The following MAGI2 variants were observed in gnomAD, a reference collection of about 807,000 sequenced individuals.
The protein encoded by MAGI2 is membrane associated guanylate kinase, WW and PDZ domain containing 2.
MAGI2 carries 35 observed loss-of-function variants against 133.3 expected under a neutral mutation model. That is an observed-to-expected ratio of 0.26 (90% CI 0.20 to 0.35). MAGI2 has a LOEUF of 0.35. Among genes scored for constraint, MAGI2 ranks in the 10% least tolerant of loss-of-function variants. The pLI, the probability that MAGI2 is intolerant of heterozygous loss-of-function variation, is 1.00. For missense variants in MAGI2, 1,636 were observed against 1,863.4 expected (o/e 0.88, Z 2.25); for synonymous variants, 729 against 710.6 (o/e 1.03, Z -0.41).
At chr7:79,414,845 C>T (rs1846391433) in intron 1 of MAGI2, 1 of 152,046 alleles carries the variant, frequency 6.6e-6, no homozygotes, top group Admixed American at 6.6e-5. Flanking sequence ...ATAGCCCATC[C>T]TGCTTACTTC....
At chr7:79,177,976 G>A (rs560521470) in intron 1 of MAGI2, among the ~76,000 whole-genome samples, 2 of 152,098 alleles carry the variant, frequency 1.3e-5, no homozygotes, top group South Asian at 4.1e-4. Context: ...ACTGTGTTAA[G>A]ACTACTTCTC....
At chr7:78,732,176 A>G (rs1821427578) in intron 2 of MAGI2, among the ~76,000 whole-genome samples, 1 of 152,134 alleles carries the variant, frequency 6.6e-6, no homozygotes, top group African/African-American at 2.4e-5. Context: ...GTTGTCACCA[A>G]CTAAAGGTAG....
rs541262428 is a variant in MAGI2, at chr7:78,600,311, A to G, written c.538+26809T>C. 3.2e-3 allele frequency among the ~76,000 whole-genome samples: 485 copies of G among 152,316 alleles called. 3 individuals carry two copies. Among genetic ancestry groups the G allele is most frequent in the South Asian group, 0.02 (95 of 4,828 alleles). ...AAATCAAGAATAACACAATTTTAGA[A>G]GAAGACATATAGATGGAGAGTTAAC... On this transcript the variant is annotated intron_variant, in intron 3 of 21. Coordinates refer to ENST00000354212, the MANE Select transcript of MAGI2 (RefSeq NM_012301.4).
intron 3 of MAGI2, among the ~76,000 whole-genome samples, chr7:78,575,367 T>C (rs958982311): frequency 1.3e-5 from 2 of 152,156 alleles, no homozygotes; most frequent in Non-Finnish European, 2.9e-5. Flanking sequence ...TGAGGTAGAA[T>C]AGAAAAATCT....
At position 78,882,521 on chromosome 7, in the gene MAGI2, G is replaced by GT. The variant is rs1212267097; in HGVS notation, c.418+124568dup. On this transcript the variant is annotated intron_variant, in intron 2 of 21. Transcript: ENST00000354212. Reference sequence around the variant, plus strand: ...CCCCCTAACTCATTCTATGAAGCCAGTGTCACCCTGATACCAAAAGCTGGC... The same window carrying GT: ...CCCCCTAACTCATTCTATGAAGCCAGTTGTCACCCTGATACCAAAAGCTGGC... Among the ~76,000 whole-genome samples the GT allele has an allele frequency of 2.0e-5, 3 of 152,108 alleles. No individual in the cohort carries two copies. In the East Asian group the frequency reaches 5.8e-4, roughly 29 times the overall value.
At chr7:78,615,604 T>C (rs38105) in intron 3 of MAGI2, 2 of 152,058 alleles carry the variant, frequency 1.3e-5, no homozygotes, top group African/African-American at 4.8e-5. Context: ...CAGATCCCAG[T>C]GCCAAAGGGC....
chr7:78,053,132 A>G, intron 21 of MAGI2, among the ~76,000 whole-genome samples: 1 of 152,248 alleles, frequency 6.6e-6, no homozygotes, highest in East Asian at 1.9e-4. Flanking sequence ...TATAATTAAC[A>G]TGCAGTATTT....
intron 6 of MAGI2, among the ~76,000 whole-genome samples, chr7:78,423,897 G>A (rs951388438): frequency 2.0e-5 from 3 of 152,140 alleles, no homozygotes; most frequent in South Asian, 2.1e-4. Context: ...AGTTTTATAA[G>A]GGAAGCAGAG....
intron 2 of MAGI2, among the ~76,000 whole-genome samples, chr7:78,861,799 G>A (rs1035855485): frequency 6.6e-6 from 1 of 152,200 alleles, no homozygotes; most frequent in Non-Finnish European, 1.5e-5. Flanking sequence ...CGATAAACTT[G>A]TTCTTAATGA....
rs150378984 is a variant in MAGI2, at chr7:78,693,865, G to A, written c.419-66626C>T. 3.4e-3 allele frequency among the ~76,000 whole-genome samples: 519 copies of A among 152,272 alleles called. 4 individuals carry two copies. The highest frequency in any genetic ancestry group is 0.012 in the African/African-American group (502 of 41,548). On this transcript the variant is annotated intron_variant, in intron 2 of 21. Coordinates refer to ENST00000354212, the MANE Select transcript of MAGI2 (RefSeq NM_012301.4). ...CCACACCCACCGCTGGCTCCACGGT[G>A]AGACTGTCTGCTTTGTATTTCTTTC...
intron 9 of MAGI2, among the ~76,000 whole-genome samples, chr7:78,270,947 C>T (rs1794504326): frequency 6.6e-6 from 1 of 152,106 alleles, no homozygotes; most frequent in Non-Finnish European, 1.5e-5. Context: ...TAATTGAATA[C>T]CTTTTTTTTC....
chr7:78,047,931 G>T (rs1811601734), intron 21 of MAGI2, among the ~76,000 whole-genome samples: 1 of 152,178 alleles, frequency 6.6e-6, no homozygotes, highest in South Asian at 2.1e-4. Flanking sequence ...CCATATTCTT[G>T]CAGTCCTCCT....
At chr7:79,300,781 C>T (rs2129559666) in intron 1 of MAGI2, among the ~76,000 whole-genome samples, 1 of 152,338 alleles carries the variant, frequency 6.6e-6, no homozygotes, top group Admixed American at 6.5e-5. Context: ...ACCTTTGTGG[C>T]AGCCCATCAC....
chr7:78,686,387 A>G (rs1338278025), intron 2 of MAGI2, among the ~76,000 whole-genome samples: 1 of 152,134 alleles, frequency 6.6e-6, no homozygotes, highest in Non-Finnish European at 1.5e-5. Context: ...ACCCATCACC[A>G]TGGCTACCTT....
intron 2 of MAGI2, among the ~76,000 whole-genome samples, chr7:78,856,759 T>G (rs1162010609): frequency 6.6e-6 from 1 of 152,224 alleles, no homozygotes; most frequent in African/African-American, 2.4e-5. Flanking sequence ...CCATATGAAC[T>G]TTAAAGTAGT....
At chr7:78,830,205 A>G (rs1048602343) in intron 2 of MAGI2, among the ~76,000 whole-genome samples, 1 of 152,114 alleles carries the variant, frequency 6.6e-6, no homozygotes, top group African/African-American at 2.4e-5. Context: ...TTTATTGGAC[A>G]TTTAATTCTT....
At chr7:78,219,635 C>T (rs898677004) in intron 10 of MAGI2, among the ~76,000 whole-genome samples, 1 of 152,196 alleles carries the variant, frequency 6.6e-6, no homozygotes, top group African/African-American at 2.4e-5. Context: ...CACAGACTCA[C>T]ATCCAATAAT....
chr7:78,716,870 A>G (rs903248677), intron 2 of MAGI2, among the ~76,000 whole-genome samples: 6 of 152,208 alleles, frequency 3.9e-5, no homozygotes, highest in African/African-American at 1.2e-4. Flanking sequence ...TCTTATTTAC[A>G]GCTTAAAAGG....
chr7:79,346,522 A>T (rs1419870345), intron 1 of MAGI2, among the ~76,000 whole-genome samples: 1 of 151,960 alleles, frequency 6.6e-6, no homozygotes, highest in Non-Finnish European at 1.5e-5. Context: ...TATCTTGCTC[A>T]TCAGACTATT....
Sources: allele counts gnomAD v4.1 joint callset (sites outside exome capture counted in the v4.1 genomes callset), GRCh38; gene constraint gnomAD v4.1.1; transcripts MANE v1.5; gene names NCBI Gene and HGNC (gene_info 2026-07-23, HGNC 2026-07-21).